The following TESK2 variants were observed in gnomAD, a reference collection of about 807,000 sequenced individuals.
TESK2 encodes dual specificity testis-specific protein kinase 2.
Under a neutral mutation model 57.1 loss-of-function variants are expected in TESK2, and 39 were observed. That is an observed-to-expected ratio of 0.68 (90% CI 0.53 to 0.89). The LOEUF is 0.89. Among genes scored for constraint, TESK2 ranks in the 40% least tolerant of loss-of-function variants. The pLI, the probability that TESK2 is intolerant of heterozygous loss-of-function variation, is 0.00. For synonymous variants in TESK2, 249 were observed against 267.9 expected (o/e 0.93, Z 0.69); for missense variants, 646 against 732.1 (o/e 0.88, Z 1.36).
rs147937835 is a variant in TESK2 at position 45,395,181 on chromosome 1, C to T, written c.345-9221G>A. 2.4e-3 allele frequency among the ~76,000 whole-genome samples: 369 copies of T among 152,246 alleles called. 2 individuals carry two copies. Among genetic ancestry groups the T allele is most frequent in the African/African-American group, 8.3e-3 (343 of 41,544 alleles). On this transcript the variant is annotated intron_variant, in intron 3 of 10. Transcript: ENST00000372086. ...CTTCATTTCCACATACCTTACTTAA[C>T]GATGGGGATACATTCTGAGAAATGC...
At chr1:45,363,695 T>A (rs188938024) in intron 4 of TESK2, among the ~76,000 whole-genome samples, 46 of 152,086 alleles carry the variant, frequency 3.0e-4, no homozygotes, top group African/African-American at 9.6e-4. Flanking sequence ...AACACAAAGA[T>A]AACAAAGCAC....
chr1:45,459,702 G>C (rs949104128), intron 1 of TESK2, among the ~76,000 whole-genome samples: 2 of 152,144 alleles, frequency 1.3e-5, no homozygotes, highest in Non-Finnish European at 2.9e-5. Flanking sequence ...AACTAGCCAG[G>C]CATGATGGTA....
At chr1:45,395,047 A>G (rs1649304118) in intron 3 of TESK2, among the ~76,000 whole-genome samples, 1 of 152,146 alleles carries the variant, frequency 6.6e-6, no homozygotes, top group Non-Finnish European at 1.5e-5. Context: ...TCTAGAGACT[A>G]GAGTCTTTTC....
At chr1:45,420,698 C>T (rs1291730921) in intron 3 of TESK2, among the ~76,000 whole-genome samples, 1 of 151,650 alleles carries the variant, frequency 6.6e-6, no homozygotes, top group African/African-American at 2.4e-5. Context: ...AATTCTCCTG[C>T]CTCAGCCTCC....
At chr1:45,489,483 T>C (rs1653628112) in intron 1 of TESK2, among the ~76,000 whole-genome samples, 1 of 152,154 alleles carries the variant, frequency 6.6e-6, no homozygotes, top group South Asian at 2.1e-4. Flanking sequence ...ATACCCACAG[T>C]GATATTTCAA....
chr1:45,387,405 C>G (rs1648947814), intron 3 of TESK2, among the ~76,000 whole-genome samples: 1 of 151,830 alleles, frequency 6.6e-6, no homozygotes, highest in Admixed American at 6.6e-5. Flanking sequence ...TGATGATGAT[C>G]ATAAAGTAGG....
chr1:45,347,118 T>C, intron 7 of TESK2, 56 bp from the exon 8 acceptor site: 1 of 1,430,130 alleles, frequency 7.0e-7, no homozygotes, highest in Non-Finnish European at 9.8e-7. Flanking sequence ...GTAGGGTATC[T>C]GCCCCTGCCC....
intron 3 of TESK2, among the ~76,000 whole-genome samples, chr1:45,397,242 T>A (rs1257858458): frequency 6.6e-6 from 1 of 152,144 alleles, no homozygotes; most frequent in African/African-American, 2.4e-5. Context: ...ATCCCAATCA[T>A]ACCAATAAAG....
chr1:45,391,521 A>G (rs1445975063), intron 3 of TESK2, among the ~76,000 whole-genome samples: 1 of 152,132 alleles, frequency 6.6e-6, no homozygotes, highest in Non-Finnish European at 1.5e-5. Context: ...TCAGAGCTTC[A>G]TTTATCTCTG....
At chr1:45,461,795 T>A (rs186371709) in intron 1 of TESK2, among the ~76,000 whole-genome samples, 112 of 152,338 alleles carry the variant, frequency 7.4e-4, no homozygotes, top group African/African-American at 2.7e-3. Flanking sequence ...TCTTTAATTT[T>A]TATGTGTACA....
chr1:45,438,089 T>A (rs1323106975), intron 2 of TESK2, among the ~76,000 whole-genome samples: 1 of 152,248 alleles, frequency 6.6e-6, no homozygotes, highest in Non-Finnish European at 1.5e-5. Flanking sequence ...GTAGAACATC[T>A]ACTATCTCAC....
chr1:45,457,317 G>T (rs1423739850), intron 2 of TESK2, among the ~76,000 whole-genome samples: 1 of 152,086 alleles, frequency 6.6e-6, no homozygotes, highest in East Asian at 1.9e-4. Context: ...TGTGTGGCTG[G>T]GGGTAGAGGT....
At chr1:45,439,190 T>C (rs1014284851) in intron 2 of TESK2, among the ~76,000 whole-genome samples, 1 of 152,172 alleles carries the variant, frequency 6.6e-6, no homozygotes, top group Non-Finnish European at 1.5e-5. Context: ...CCACAACTGT[T>C]ACAACACTGC....
chr1:45,355,459 A>C lies in TESK2; in HGVS notation c.394-10T>G, dbSNP rs775678934. On this transcript the variant is annotated splice_polypyrimidine_tract_variant and intron_variant, in intron 4 of 10. Transcript: ENST00000372086. ...TCCCGGAGTTGATATACTGCAAAAC[A>C]GAAGGAAAACCCAGCTACCATTTAT... 3.1e-6 allele frequency: 5 copies of C among 1,596,606 alleles called. No individual in the cohort carries two copies. In the Admixed American group the frequency reaches 9.0e-5, roughly 29 times the overall value.
intron 1 of TESK2, among the ~76,000 whole-genome samples, chr1:45,458,184 T>C (rs996271667): frequency 1.3e-5 from 2 of 152,222 alleles, no homozygotes; most frequent in African/African-American, 2.4e-5. Context: ...ACATACATCA[T>C]CTCGTTTGAT....
At chr1:45,401,345 C>T (rs1023796647) in intron 3 of TESK2, among the ~76,000 whole-genome samples, 7 of 151,058 alleles carry the variant, frequency 4.6e-5, no homozygotes, top group South Asian at 4.2e-4. Flanking sequence ...TGCAGTGAGC[C>T]GAGATCTCAC....
chr1:45,469,630 C>T (rs1652688433), intron 1 of TESK2, among the ~76,000 whole-genome samples: 1 of 152,164 alleles, frequency 6.6e-6, no homozygotes, highest in African/African-American at 2.4e-5. Flanking sequence ...TCCCCAACTT[C>T]CCTCAACAGG....
intron 1 of TESK2, among the ~76,000 whole-genome samples, chr1:45,469,000 T>A (rs1232589919): frequency 6.6e-6 from 1 of 152,210 alleles, no homozygotes; most frequent in East Asian, 1.9e-4. Context: ...GTAACTATGT[T>A]CTCAACTTAA....
At chr1:45,462,429 C>T (rs1035309004) in intron 1 of TESK2, among the ~76,000 whole-genome samples, 1 of 152,120 alleles carries the variant, frequency 6.6e-6, no homozygotes, top group Non-Finnish European at 1.5e-5. Flanking sequence ...CCTGACACCA[C>T]ACCCGGCTAA....
Sources: allele counts gnomAD v4.1 joint callset (sites outside exome capture counted in the v4.1 genomes callset), GRCh38; gene constraint gnomAD v4.1.1; transcripts MANE v1.5; gene names NCBI Gene and HGNC (gene_info 2026-07-23, HGNC 2026-07-21).